TTC5: variants seen among roughly 807,000 people sequenced by gnomAD.
TTC5 encodes the protein tetratricopeptide repeat domain 5.
In TTC5, 46 loss-of-function variants were observed where a neutral mutation model predicts 57.4. The observed-to-expected ratio is 0.80, with a 90% CI of 0.63 to 1.03. The LOEUF (loss-of-function observed/expected upper bound fraction) is 1.03, where lower values mean the gene tolerates loss of function less well. Ranked by LOEUF, TTC5 falls within the 50% of genes least tolerant of loss-of-function variation. The probability of loss-of-function intolerance (pLI) is 0.00; values close to 1 mark genes in which losing one functional copy is unlikely to be tolerated. For missense variants in TTC5, 504 were observed against 528.1 expected (o/e 0.95, Z 0.45); for synonymous variants, 190 against 203.5 (o/e 0.93, Z 0.57).
At position 20,295,450 on chromosome 14, in the gene TTC5, C is replaced by T. The variant is rs896076533; in HGVS notation, c.920G>A (p.Gly307Glu). ...RPAHLGPCSDGHYQSASGQKV... is the reference protein window; with the variant it reads ...RPAHLGPCSDEHYQSASGQKV... ...CTGCCCAGAGGCTGACTGATAGTGCCCATCACTGCAAGGGCCTAGATGGGC... is the reference window on the plus strand; with the variant it reads ...CTGCCCAGAGGCTGACTGATAGTGCTCATCACTGCAAGGGCCTAGATGGGC... The change falls in exon 8 of 10, where the codon GGG (glycine) becomes GAG (glutamate). Residue 307 changes from glycine (G) to glutamate (E), a missense_variant. Gly to Glu is a moderately conservative substitution (Grantham distance 98). Coordinates refer to ENST00000258821, the MANE Select transcript of TTC5 (RefSeq NM_138376.3). The T allele has an allele frequency of 1.9e-5, 30 of 1,614,148 alleles. No individual in the cohort carries two copies. Among genetic ancestry groups the T allele is most frequent in the Non-Finnish European group, 2.5e-5 (29 of 1,180,018 alleles).
Position 20,292,044 on chromosome 14 carries a change from C to G in TTC5, c.1142G>C (p.Gly381Ala). 6.3e-7 allele frequency: 1 copy of G among 1,599,416 alleles called. No homozygotes were observed. The highest frequency in any genetic ancestry group is 8.5e-7 in the Non-Finnish European group (1 of 1,172,912). ...GGGCTCAGGAATGGCTACAGAGTCT[C>G]CAATGAGCACTCCCCAGCTCTGCAC... is the stretch of plus-strand genomic sequence containing the variant. ...NIVQSWGVLI[G>A]DSVAIPEPNL... The change falls in exon 9 of 10, where the codon GGA (glycine) becomes GCA (alanine). Residue 381 changes from glycine (G) to alanine (A), a missense_variant. Coordinates refer to ENST00000258821, the MANE Select transcript of TTC5 (RefSeq NM_138376.3).
chr14:20,304,148 T>C (rs1882244638), intron 1 of TTC5, among the ~76,000 whole-genome samples: 1 of 152,178 alleles, frequency 6.6e-6, no homozygotes, highest in East Asian at 1.9e-4. Context: ...TTAATCTGTT[T>C]TGTTTCGAGC....
At position 20,286,354 on chromosome 14, in the gene TTC5, A is replaced by G. The variant is rs894000684; in HGVS notation, c.*3273T>C. The G allele has an allele frequency of 1.3e-4, 20 of 152,170 alleles. No individual in the cohort carries two copies. Among genetic ancestry groups the G allele is most frequent in the African/African-American group, 4.3e-4 (18 of 41,454 alleles). The allele number at this position is 152,170 out of a possible 1,614,324, so 9.4% of individuals were successfully genotyped here. On this transcript the variant is annotated 3_prime_UTR_variant, in exon 10 of 10. Coordinates refer to ENST00000258821, the MANE Select transcript of TTC5 (RefSeq NM_138376.3). Reference sequence around the variant, plus strand: ...AAGAAAACAGAGATTTCATAGAAAAAGAAACAGGAATGGACAAAGAAATGT... The same window carrying G: ...AAGAAAACAGAGATTTCATAGAAAAGGAAACAGGAATGGACAAAGAAATGT...
intron 5 of TTC5, among the ~76,000 whole-genome samples, chr14:20,296,735 G>A (rs1045796477): frequency 1.3e-5 from 2 of 152,038 alleles, no homozygotes; most frequent in Admixed American, 1.3e-4. Context: ...TATGTGGGCC[G>A]GGCACAGTGG....
Position 20,295,457 on chromosome 14 carries a change from T to G in TTC5, c.913A>C (p.Ser305Arg), listed in dbSNP as rs948968084. The part of the protein sequence containing the change: ...SLRPAHLGPC[S>R]DGHYQSASGQ... ...GAGGCTGACTGATAGTGCCCATCAC[T>G]GCAAGGGCCTAGATGGGCTGGGCGC... The change falls in exon 8 of 10, where the codon AGT (serine) becomes CGT (arginine). Residue 305 changes from serine (S) to arginine (R), a missense_variant. Physicochemically the swap from Ser to Arg is moderately radical, Grantham distance 110 (BLOSUM62 -1). Transcript: ENST00000258821. The G allele has an allele frequency of 1.2e-6, 2 of 1,614,064 alleles. No homozygotes were observed. The highest frequency in any genetic ancestry group is 3.3e-5 in the Admixed American group (2 of 60,006).
At chr14:20,304,302 C>G (rs1882247748) in intron 1 of TTC5, among the ~76,000 whole-genome samples, 1 of 152,192 alleles carries the variant, frequency 6.6e-6, no homozygotes, top group Non-Finnish European at 1.5e-5. Flanking sequence ...ATGAAGGGAA[C>G]AGACTAGCAC....
intron 1 of TTC5, among the ~76,000 whole-genome samples, chr14:20,302,396 T>A (rs141850879): frequency 0.013 from 1,988 of 152,318 alleles, 36 homozygotes; most frequent in African/African-American, 0.045. Context: ...ACTAAAACCA[T>A]TTTATCCCTG....
In TTC5 at chr14:20,295,730, A is replaced by G; in HGVS notation, c.821T>C (p.Leu274Ser). 1 of 1,612,858 alleles carries G rather than the reference A, an allele frequency of 6.2e-7. No homozygotes were observed. Among genetic ancestry groups the G allele is most frequent in the African/African-American group, 1.3e-5 (1 of 74,770 alleles). ...EQQLLEFLDRLTSLLESKGKV... is the reference protein window; with the variant it reads ...EQQLLEFLDRSTSLLESKGKV... ...TACCTTACTCTCAAGGAGGCTGGTT[A>G]ATCTATCCAGGAATTCCAGAAGTTG... The change falls in exon 7 of 10, where the codon TTA becomes TCA. Residue 274 changes from leucine (L) to serine (S), a missense_variant. Coordinates refer to ENST00000258821, the MANE Select transcript of TTC5 (RefSeq NM_138376.3).
rs1362629004 is a variant in TTC5 at position 20,287,269 on chromosome 14, ATT to A, written c.*2356_*2357del. ...GTAAGTCTGGGTAGGGGGCTTGAGA[ATT>A]TGCATTTCAAAGAAGTTCCAAGGGA... On this transcript the variant is annotated 3_prime_UTR_variant, in exon 10 of 10. Transcript: ENST00000258821. 6.6e-6 allele frequency: 1 copy of A among 152,184 alleles called. No individual in the cohort carries two copies. Among genetic ancestry groups the A allele is most frequent in the Non-Finnish European group, 1.5e-5 (1 of 68,034 alleles). 9.4% of individuals were successfully genotyped at this position (152,184 alleles called of 1,614,324 possible).
intron 3 of TTC5, among the ~76,000 whole-genome samples, chr14:20,299,706 C>T (rs1882142636): frequency 6.6e-6 from 1 of 152,102 alleles, no homozygotes. Context: ...GTATGCACCA[C>T]CATGCCCGGC....
rs1346225827 is a variant in TTC5 at position 20,288,503 on chromosome 14, A to G, written c.*1124T>C. 6.6e-6 allele frequency: 1 copy of G among 152,238 alleles called. No individual in the cohort carries two copies. The allele number at this position is 152,238 out of a possible 1,614,324, so 9.4% of individuals were successfully genotyped here. A position where few individuals can be genotyped will look rare whatever the true frequency, so the allele number is the denominator to read the frequency against. On this transcript the variant is annotated 3_prime_UTR_variant, in exon 10 of 10. Transcript: ENST00000258821. Reference sequence around the variant, plus strand: ...ATGATATCGGCTCACTGCAACCTCCACTTCCCAGGTTCAAGCAATTCTCTG... The same window carrying G: ...ATGATATCGGCTCACTGCAACCTCCGCTTCCCAGGTTCAAGCAATTCTCTG...
At chr14:20,304,589 T>G (rs1462996754) in intron 1 of TTC5, among the ~76,000 whole-genome samples, 1 of 152,206 alleles carries the variant, frequency 6.6e-6, no homozygotes, top group Non-Finnish European at 1.5e-5. Context: ...TTTATTCCAT[T>G]CCTGCACCGA....
At chr14:20,297,956 G>A (rs1331671671) in intron 5 of TTC5, among the ~76,000 whole-genome samples, 2 of 152,090 alleles carry the variant, frequency 1.3e-5, no homozygotes, top group African/African-American at 4.8e-5. Context: ...GTAGAGTTGT[G>A]GGGAGAGTGG....
At position 20,289,533 on chromosome 14, in the gene TTC5, T is replaced by G; in HGVS notation, c.*94A>C. On this transcript the variant is annotated 3_prime_UTR_variant, in exon 10 of 10. Coordinates refer to ENST00000258821, the MANE Select transcript of TTC5 (RefSeq NM_138376.3). ...AGAAAGTCTTCATTTAAAACATTCCTCCCATCCCTGCTGAATCACTGGATG... is the reference window on the plus strand; with the variant it reads ...AGAAAGTCTTCATTTAAAACATTCCGCCCATCCCTGCTGAATCACTGGATG... The G allele has an allele frequency of 6.9e-7, 1 of 1,446,262 alleles. No individual in the cohort carries two copies. Among genetic ancestry groups the G allele is most frequent in the Non-Finnish European group, 9.3e-7 (1 of 1,075,228 alleles). The allele number at this position is 1,446,262 out of a possible 1,614,324, so 89.6% of individuals were successfully genotyped here.
chr14:20,301,338 A>G (rs1882186394), intron 2 of TTC5, among the ~76,000 whole-genome samples: 1 of 152,234 alleles, frequency 6.6e-6, no homozygotes. Context: ...TTCAACCTGG[A>G]TGAAACAGAA....
chr14:20,299,174 C>A, intron 4 of TTC5, 124 bp downstream of exon 4: 1 of 1,104,262 alleles, frequency 9.1e-7, no homozygotes. Context: ...CGTGTGTCTT[C>A]AAAACAAAGA....
At position 20,295,497 on chromosome 14, in the gene TTC5, G is replaced by A; in HGVS notation, c.873C>T (p.Ser291=). 1 of 1,612,860 alleles carries A rather than the reference G, an allele frequency of 6.2e-7. No homozygotes were observed. The highest frequency in any genetic ancestry group is 8.5e-7 in the Non-Finnish European group (1 of 1,179,076). The change falls in exon 8 of 10, where the codon AGC becomes AGT. Residue 291 remains serine, a synonymous_variant. Coordinates refer to ENST00000258821, the MANE Select transcript of TTC5 (RefSeq NM_138376.3). ...KGKVKTKKLQ[S]MLGSLRPAHL... is the part of the protein sequence containing the mutation. ...GGGCTGGGCGCAAGCTTCCCAGCAT[G>A]CTCTGCAGCTTTTTGGTCTTCACCT...
rs1222540043 is a variant in TTC5, at chr14:20,286,259, AT to A, written c.*3367del. On this transcript the variant is annotated 3_prime_UTR_variant, in exon 10 of 10. Coordinates refer to ENST00000258821, the MANE Select transcript of TTC5 (RefSeq NM_138376.3). ...TGGATAAATATATTTGAAAAACATA[AT>A]TTATAATGGATTAGTATCCAGAACA... 6.6e-6 allele frequency: 1 copy of A among 152,200 alleles called. No individual in the cohort carries two copies. The highest frequency in any genetic ancestry group is 1.9e-4 in the East Asian group (1 of 5,202). 9.4% of individuals were successfully genotyped at this position (152,200 alleles called of 1,614,324 possible). A position where few individuals can be genotyped will look rare whatever the true frequency, so the allele number is the denominator to read the frequency against.
intron 4 of TTC5, 103 bp downstream of exon 4, chr14:20,299,194 TG>T: frequency 7.6e-7 from 1 of 1,314,864 alleles, no homozygotes; most frequent in Non-Finnish European, 1.0e-6. Context: ...ATGCCCTCTC[TG>T]GCTTAAACCT....
Sources: allele counts gnomAD v4.1 joint callset (sites outside exome capture counted in the v4.1 genomes callset), GRCh38; gene constraint gnomAD v4.1.1; transcripts MANE v1.5; gene names NCBI Gene and HGNC (gene_info 2026-07-23, HGNC 2026-07-21).